The following CACNB4 variants were observed in gnomAD, a reference collection of about 807,000 sequenced individuals.
The protein encoded by CACNB4 is calcium voltage-gated channel auxiliary subunit beta 4.
Under a neutral mutation model 71.2 loss-of-function variants are expected in CACNB4, and 32 were observed. That is an observed-to-expected ratio of 0.45 (90% CI 0.34 to 0.60). CACNB4 has a LOEUF of 0.60. Among genes scored for constraint, CACNB4 ranks in the 20% least tolerant of loss-of-function variants. CACNB4 has a pLI of 0.01. For missense variants in CACNB4, 464 were observed against 647.9 expected (o/e 0.72, Z 3.08); for synonymous variants, 231 against 236.9 (o/e 0.97, Z 0.23).
chr2:152,007,881 G>T (rs2139418), intron 2 of CACNB4, among the ~76,000 whole-genome samples: 2 of 152,076 alleles, frequency 1.3e-5, no homozygotes, highest in South Asian at 4.2e-4. Context: ...AAGTGGTTCT[G>T]CTGCTTCAGT....
intron 2 of CACNB4, among the ~76,000 whole-genome samples, chr2:151,976,188 T>A (rs946947050): frequency 1.3e-5 from 2 of 152,202 alleles, no homozygotes; most frequent in Admixed American, 6.5e-5. Flanking sequence ...AGAATAGATG[T>A]GAAGGGGCAG....
At chr2:151,974,815 C>CAAAAA (rs35540920) in intron 2 of CACNB4, among the ~76,000 whole-genome samples, 10 of 138,002 alleles carry the variant, frequency 7.2e-5, no homozygotes, top group Admixed American at 1.5e-4. Flanking sequence ...TCTGGTCAAC[C>CAAAAA]AAAAAAAAAA....
intron 2 of CACNB4, among the ~76,000 whole-genome samples, chr2:152,094,226 C>G (rs997793063): frequency 5.2e-4 from 79 of 152,248 alleles, no homozygotes; most frequent in African/African-American, 1.8e-3. Flanking sequence ...AAGACTAAAC[C>G]CCCAGATCTC....
intron 10 of CACNB4, chr2:151,860,460 A>C: frequency 1.9e-6 from 1 of 515,584 alleles, no homozygotes; most frequent in Non-Finnish European, 3.4e-6. Context: ...GCAGGAAAAG[A>C]CTAGGAGAGC....
intron 5 of CACNB4, chr2:151,873,163 CTGTTT>C (rs1559905554): frequency 6.6e-6 from 1 of 152,150 alleles, no homozygotes; most frequent in Non-Finnish European, 1.5e-5. Flanking sequence ...TTGTACATCC[CTGTTT>C]TGGAAAGTAG....
At position 152,078,931 on chromosome 2, in the gene CACNB4, G is replaced by A. The variant is rs78753121; in HGVS notation, c.147+19399C>T. ...CAGGCAGAGTTTCACAAGCCAGTGT[G>A]TGGTCCACCATGTCTCTCACACCCT... On this transcript the variant is annotated intron_variant, in intron 2 of 13. Transcript: ENST00000539935. Among the ~76,000 whole-genome samples the A allele has an allele frequency of 6.9e-3, 1,052 of 152,310 alleles. 43 individuals are homozygous for A. The East Asian group carries it at 0.11, about 16-fold the overall frequency.
chr2:152,002,691 A>G (rs1480757777), intron 2 of CACNB4, among the ~76,000 whole-genome samples: 1 of 152,226 alleles, frequency 6.6e-6, no homozygotes, highest in Non-Finnish European at 1.5e-5. Flanking sequence ...TAAGAATTCA[A>G]TGTAACCACA....
chr2:151,850,097 A>ATAC (rs1374952318), intron 12 of CACNB4: 6 of 150,736 alleles, frequency 4.0e-5, no homozygotes, highest in Non-Finnish European at 5.9e-5. Flanking sequence ...TACCCATGAA[A>ATAC]TACATACTTA....
intron 2 of CACNB4, among the ~76,000 whole-genome samples, chr2:152,040,764 T>C (rs1684833883): frequency 6.6e-6 from 1 of 152,072 alleles, no homozygotes; most frequent in South Asian, 2.1e-4. Flanking sequence ...TAAAAAGAAG[T>C]TTTCAAGATT....
chr2:151,860,606 C>A, intron 10 of CACNB4, 105 bp downstream of exon 10: 2 of 799,668 alleles, frequency 2.5e-6, no homozygotes, highest in East Asian at 2.5e-5. Flanking sequence ...CAGTGCTCCC[C>A]CGTTCAGAAT....
chr2:152,098,581 C>CCAA lies in CACNB4; in HGVS notation c.64-169_64-168insTTG. On this transcript the variant is annotated intron_variant, in intron 1 of 13. Transcript: ENST00000539935. This position sits in a 1 kb window ranked among gnomAD's most constrained non-coding sequence, Gnocchi z 5.3. ...CAAATACAGCCCCCACCCCCACCCA[C>CCAA]CCACTGCAAGCCTCGACTGCTGAAA... 1 of 989,626 alleles carries CCAA rather than the reference C, an allele frequency of 1.0e-6. No individual in the cohort carries two copies. The highest frequency in any genetic ancestry group is 1.6e-6 in the Non-Finnish European group (1 of 633,102). The allele number at this position is 989,626 out of a possible 1,614,324, so 61.3% of individuals were successfully genotyped here.
chr2:151,881,879 C>CTTTTTT (rs34072100), intron 3 of CACNB4, among the ~76,000 whole-genome samples: 2 of 133,032 alleles, frequency 1.5e-5, no homozygotes, highest in East Asian at 2.4e-4. Flanking sequence ...CTCCTCCCAT[C>CTTTTTT]TTTTTTTTTT....
intron 2 of CACNB4, among the ~76,000 whole-genome samples, chr2:152,017,915 C>T (rs1037670126): frequency 6.6e-6 from 1 of 151,698 alleles, no homozygotes; most frequent in Non-Finnish European, 1.5e-5. Flanking sequence ...TCACTGCAAC[C>T]TCTGCCTCCT....
chr2:152,021,055 A>G (rs1007738641), intron 2 of CACNB4, among the ~76,000 whole-genome samples: 8 of 152,096 alleles, frequency 5.3e-5, no homozygotes, highest in African/African-American at 1.9e-4. Context: ...GATTGAGACC[A>G]TCCTGGCCAA....
Position 151,838,729 on chromosome 2 carries a change from A to G in CACNB4, c.*390T>C, listed in dbSNP as rs1001582365. 1.9e-5 allele frequency: 3 copies of G among 154,930 alleles called. No homozygotes were observed. Among genetic ancestry groups the G allele is most frequent in the Non-Finnish European group, 4.3e-5 (3 of 69,884 alleles). The allele number at this position is 154,930 out of a possible 1,614,324, so 9.6% of individuals were successfully genotyped here. ...CATGCTCAAGTAGACTTTCTAGTCA[A>G]TTCACCCAAATTCCAACAGGAATTG... On this transcript the variant is annotated 3_prime_UTR_variant, in exon 14 of 14. Coordinates refer to ENST00000539935, the MANE Select transcript of CACNB4 (RefSeq NM_000726.5).
At chr2:151,946,261 G>A (rs1343249475) in intron 2 of CACNB4, among the ~76,000 whole-genome samples, 4 of 151,892 alleles carry the variant, frequency 2.6e-5, no homozygotes, top group African/African-American at 4.8e-5. Flanking sequence ...CCCGGGAGGT[G>A]GAGGTTGCAG....
chr2:151,940,667 C>A (rs1401499601), intron 2 of CACNB4, among the ~76,000 whole-genome samples: 1 of 152,076 alleles, frequency 6.6e-6, no homozygotes, highest in Non-Finnish European at 1.5e-5. Flanking sequence ...TGGGGGTAAT[C>A]TTTGAGGTGA....
chr2:151,935,480 A>T (rs1474704112), intron 2 of CACNB4, among the ~76,000 whole-genome samples: 1 of 152,240 alleles, frequency 6.6e-6, no homozygotes, highest in Non-Finnish European at 1.5e-5. Context: ...TTAGGCTTTG[A>T]TTTTTAGCCT....
chr2:151,976,512 T>C (rs2151743228), intron 2 of CACNB4, among the ~76,000 whole-genome samples: 1 of 152,286 alleles, frequency 6.6e-6, no homozygotes, highest in South Asian at 2.1e-4. Flanking sequence ...TCAGAAGTCA[T>C]TTTGTTCACC....
Sources: allele counts gnomAD v4.1 joint callset (sites outside exome capture counted in the v4.1 genomes callset), GRCh38; gene constraint gnomAD v4.1.1; non-coding constraint Gnocchi (gnomAD v3.1); transcripts MANE v1.5; gene names NCBI Gene and HGNC (gene_info 2026-07-23, HGNC 2026-07-21).